Variants in WWOX observed in about 807,000 individuals in gnomAD.
WWOX encodes WW domain containing oxidoreductase, also known as WW domain-containing oxidoreductase.
Under a neutral mutation model 46.2 loss-of-function variants are expected in WWOX, and 69 were observed. That is an observed-to-expected ratio of 1.49 (90% CI 1.23 to 1.82). The LOEUF (loss-of-function observed/expected upper bound fraction) is 1.82, where lower values mean the gene tolerates loss of function less well. Among genes scored for constraint, WWOX ranks in the 40% most tolerant of loss-of-function variants. WWOX has a pLI of 0.00. For synonymous variants in WWOX, 359 were observed against 202.6 expected, an observed-to-expected ratio of 1.77 and a Z score of -6.56; for missense variants, 919 against 542.6, an observed-to-expected ratio of 1.69 and a Z score of -6.89.
intron 6 of WWOX, among the ~76,000 whole-genome samples, chr16:78,393,407 C>G (rs1313828108): frequency 6.6e-6 from 1 of 152,086 alleles, no homozygotes; most frequent in Non-Finnish European, 1.5e-5. Context: ...CCTATAATCC[C>G]AGCGCTTTTG....
intron 8 of WWOX, among the ~76,000 whole-genome samples, chr16:78,933,174 C>G (rs7197874): frequency 0.023 from 3,561 of 152,316 alleles, 138 homozygotes; most frequent in African/African-American, 0.08. Flanking sequence ...CGTGGTGGCT[C>G]ACGCCTGTAA....
chr16:78,292,241 A>G (rs776898341), intron 5 of WWOX, among the ~76,000 whole-genome samples: 1 of 152,128 alleles, frequency 6.6e-6, no homozygotes, highest in Non-Finnish European at 1.5e-5. Flanking sequence ...CCATGAGGGC[A>G]GGGGCAACTC....
At chr16:78,752,454 A>C (rs2049507923) in intron 8 of WWOX, among the ~76,000 whole-genome samples, 1 of 152,032 alleles carries the variant, frequency 6.6e-6, no homozygotes, top group African/African-American at 2.4e-5. Flanking sequence ...CACCTGGCTA[A>C]TTTTTGTATT....
At chr16:78,314,810 C>A (rs2080328689) in intron 5 of WWOX, among the ~76,000 whole-genome samples, 1 of 150,868 alleles carries the variant, frequency 6.6e-6, no homozygotes, top group African/African-American at 2.4e-5. Context: ...CCTTGGCCTC[C>A]CAAAGTGCTG....
intron 8 of WWOX, among the ~76,000 whole-genome samples, chr16:79,193,532 G>C (rs1372448841): frequency 2.0e-5 from 3 of 152,188 alleles, no homozygotes; most frequent in South Asian, 4.2e-4. Flanking sequence ...GAGTATGAAA[G>C]TGCTGCTTAC....
chr16:78,307,221 C>G (rs535891554), intron 5 of WWOX, among the ~76,000 whole-genome samples: 1 of 152,120 alleles, frequency 6.6e-6, no homozygotes, highest in Non-Finnish European at 1.5e-5. Context: ...CACTGCTGCC[C>G]GTTCATTGCT....
intron 8 of WWOX, among the ~76,000 whole-genome samples, chr16:79,182,701 T>C (rs1270293574): frequency 6.6e-6 from 1 of 152,188 alleles, no homozygotes; most frequent in Non-Finnish European, 1.5e-5. Context: ...CTTTATGCCT[T>C]TATTTTACTA....
chr16:78,710,676 G>A (rs1597476042), intron 8 of WWOX, among the ~76,000 whole-genome samples: 1 of 150,754 alleles, frequency 6.6e-6, no homozygotes, highest in Admixed American at 6.6e-5. Context: ...GTGCAGTGGC[G>A]TGATCATGGC....
At chr16:78,522,544 C>G (rs2043371950) in intron 8 of WWOX, among the ~76,000 whole-genome samples, 1 of 149,976 alleles carries the variant, frequency 6.7e-6, no homozygotes, top group Admixed American at 6.6e-5. Flanking sequence ...TTCTCTTTGA[C>G]TCCCTGTATT....
chr16:78,679,315 C>T (rs1012549005), intron 8 of WWOX, among the ~76,000 whole-genome samples: 3 of 152,154 alleles, frequency 2.0e-5, no homozygotes, highest in Non-Finnish European at 4.4e-5. Flanking sequence ...CTTTGGGAGG[C>T]CAAGGCGGGT....
At chr16:78,595,543 A>T (rs937106824) in intron 8 of WWOX, among the ~76,000 whole-genome samples, 2 of 152,024 alleles carry the variant, frequency 1.3e-5, no homozygotes, top group African/African-American at 4.8e-5. Context: ...GAGGTCCTCA[A>T]TCTCTCCCTC....
chr16:78,580,268 C>G (rs568175174), intron 8 of WWOX, among the ~76,000 whole-genome samples: 11 of 151,998 alleles, frequency 7.2e-5, no homozygotes, highest in African/African-American at 1.2e-4. Context: ...GAGATGGGGT[C>G]TCACTATGTT....
intron 8 of WWOX, among the ~76,000 whole-genome samples, chr16:78,953,984 C>G (rs754277877): frequency 3.3e-5 from 5 of 152,196 alleles, no homozygotes; most frequent in Non-Finnish European, 5.9e-5. Flanking sequence ...CTGCAGGAGA[C>G]AAAAAGATGA....
At chr16:79,110,021 C>G (rs1377158362) in intron 8 of WWOX, among the ~76,000 whole-genome samples, 1 of 152,158 alleles carries the variant, frequency 6.6e-6, no homozygotes, top group Non-Finnish European at 1.5e-5. Flanking sequence ...TGGGAAATCT[C>G]AATTTATTGC....
intron 8 of WWOX, among the ~76,000 whole-genome samples, chr16:79,121,712 G>C (rs1447831046): frequency 6.6e-6 from 1 of 152,170 alleles, no homozygotes; most frequent in Admixed American, 6.5e-5. Context: ...ATCCGAACTG[G>C]TGGCTTCCCA....
At chr16:79,087,779 G>C (rs889360527) in intron 8 of WWOX, among the ~76,000 whole-genome samples, 4 of 152,144 alleles carry the variant, frequency 2.6e-5, no homozygotes, top group African/African-American at 9.7e-5. Flanking sequence ...AGTTTAGTAC[G>C]TTCTCTTGGT....
At chr16:78,283,276 C>G (rs1460951720) in intron 5 of WWOX, among the ~76,000 whole-genome samples, 4 of 152,172 alleles carry the variant, frequency 2.6e-5, no homozygotes, top group East Asian at 3.9e-4. Context: ...CAGAAATTCT[C>G]TGCTGTGAGG....
intron 8 of WWOX, among the ~76,000 whole-genome samples, chr16:78,930,222 TCTTCCTTCCTTCCTTC>T (rs574392161): frequency 1.1e-3 from 115 of 104,998 alleles, no homozygotes; most frequent in African/African-American, 3.9e-3. Context: ...TCAGGACCTT[TCTTCCTTCCTTCCTTC>T]CTTCCTTCCT....
chr16:78,341,065 A>G (rs1382236587), intron 5 of WWOX, among the ~76,000 whole-genome samples: 2 of 119,504 alleles, frequency 1.7e-5, no homozygotes, highest in African/African-American at 5.7e-5. Context: ...TGGCTCTCTG[A>G]TAGGAATTGT....
Sources: gnomAD v4.1 joint callset for allele counts (sites outside exome capture counted in the v4.1 genomes callset) on GRCh38, gnomAD v4.1.1 for gene constraint, MANE v1.5 for transcripts, NCBI Gene and HGNC (gene_info 2026-07-23, HGNC 2026-07-21) for gene names.